The following BBX variants were observed in gnomAD, a reference collection of about 807,000 sequenced individuals.
The protein encoded by BBX is BBX high mobility group box domain containing.
Under a neutral mutation model 100.2 loss-of-function variants are expected in BBX, and 30 were observed. The observed-to-expected ratio is 0.30, with a 90% confidence interval of 0.22 to 0.41. The LOEUF is 0.41. Ranked by LOEUF, BBX falls within the 10% of genes least tolerant of loss-of-function variation. BBX has a pLI of 1.00. For synonymous variants in BBX, 376 were observed against 388.1 expected (o/e 0.97, Z 0.37); for missense variants, 1,023 against 1,129.8 (o/e 0.91, Z 1.35).
chr3:107,733,355 C>T (rs2063436052), intron 7 of BBX, among the ~76,000 whole-genome samples: 1 of 152,160 alleles, frequency 6.6e-6, no homozygotes, highest in South Asian at 2.1e-4. Context: ...GAAACATTCT[C>T]TGCTTGGGTG....
intron 10 of BBX, among the ~76,000 whole-genome samples, chr3:107,756,428 C>A (rs2107677442): frequency 6.6e-6 from 1 of 152,196 alleles, no homozygotes. Flanking sequence ...CCAAAAATCT[C>A]TTACTAAATT....
intron 2 of BBX, among the ~76,000 whole-genome samples, chr3:107,531,139 G>C (rs2048132611): frequency 6.6e-6 from 1 of 152,196 alleles, no homozygotes; most frequent in Non-Finnish European, 1.5e-5. Flanking sequence ...TGGATGTTCT[G>C]AATGTGGGGC....
intron 10 of BBX, among the ~76,000 whole-genome samples, chr3:107,763,555 C>T (rs2066100798): frequency 6.6e-6 from 1 of 152,118 alleles, no homozygotes; most frequent in South Asian, 2.1e-4. Flanking sequence ...CAAACTGAGC[C>T]TAAGGTATGG....
At chr3:107,570,931 C>T (rs2051306921) in intron 2 of BBX, among the ~76,000 whole-genome samples, 1 of 152,012 alleles carries the variant, frequency 6.6e-6, no homozygotes, top group African/African-American at 2.4e-5. Flanking sequence ...GACCCATTTG[C>T]CCATTTTTTC....
Position 107,522,999 on chromosome 3 carries a change from C to G in BBX, c.-264C>G, listed in dbSNP as rs1460073953. On this transcript the variant is annotated 5_prime_UTR_variant, in exon 1 of 18. Transcript: ENST00000325805. Reference sequence around the variant, plus strand: ...GTATGTGGAGCAGTGTACAGTGAAGCGGAGGCAGAGCGGCTCCGCGAGCTT... The same window carrying G: ...GTATGTGGAGCAGTGTACAGTGAAGGGGAGGCAGAGCGGCTCCGCGAGCTT... 6.5e-6 allele frequency: 1 copy of G among 153,058 alleles called. No homozygotes were observed. 9.5% of individuals were successfully genotyped at this position (153,058 alleles called of 1,614,324 possible). A position where few individuals can be genotyped will look rare whatever the true frequency, so the allele number is the denominator to read the frequency against.
At chr3:107,718,801 G>A (rs1427855666) in intron 5 of BBX, among the ~76,000 whole-genome samples, 1 of 152,098 alleles carries the variant, frequency 6.6e-6, no homozygotes, top group Non-Finnish European at 1.5e-5. Context: ...GTAGCCCAGT[G>A]CAGTCTAAGT....
chr3:107,550,166 G>C (rs1393575185), intron 2 of BBX, among the ~76,000 whole-genome samples: 4 of 152,144 alleles, frequency 2.6e-5, no homozygotes, highest in Non-Finnish European at 5.9e-5. Flanking sequence ...CAGGAAGAGA[G>C]AGGAAGAAGT....
At chr3:107,775,649 G>A (rs2067266189) in intron 12 of BBX, among the ~76,000 whole-genome samples, 1 of 151,818 alleles carries the variant, frequency 6.6e-6, no homozygotes, top group African/African-American at 2.4e-5. Context: ...TTTTTCAAAA[G>A]TGTGTTTAAA....
chr3:107,583,853 T>G (rs927404248), intron 2 of BBX, among the ~76,000 whole-genome samples: 3 of 137,164 alleles, frequency 2.2e-5, no homozygotes, highest in Non-Finnish European at 4.6e-5. Context: ...TATTTTGTTA[T>G]TTTAATCTTC....
intron 2 of BBX, among the ~76,000 whole-genome samples, chr3:107,598,301 A>G (rs1043740094): frequency 3.3e-5 from 5 of 152,166 alleles, no homozygotes; most frequent in African/African-American, 7.2e-5. Context: ...GCATCTATGC[A>G]TCTGTTTATA....
At chr3:107,630,755 G>A (rs1194840518) in intron 2 of BBX, among the ~76,000 whole-genome samples, 2 of 152,208 alleles carry the variant, frequency 1.3e-5, no homozygotes, top group Non-Finnish European at 2.9e-5. Flanking sequence ...GGCATGTGCT[G>A]TCGGGATGGG....
intron 3 of BBX, among the ~76,000 whole-genome samples, chr3:107,679,904 G>A (rs1156720331): frequency 2.0e-5 from 3 of 152,120 alleles, no homozygotes; most frequent in African/African-American, 7.2e-5. Flanking sequence ...GTCTCATTGG[G>A]AAAGCCCAGC....
intron 15 of BBX, among the ~76,000 whole-genome samples, chr3:107,791,557 G>C (rs1335013041): frequency 6.6e-6 from 1 of 152,170 alleles, no homozygotes; most frequent in African/African-American, 2.4e-5. Context: ...TCAGAGATTG[G>C]AGTTTTTCAT....
chr3:107,714,303 C>T (rs1184367390), intron 4 of BBX, among the ~76,000 whole-genome samples: 4 of 152,030 alleles, frequency 2.6e-5, no homozygotes, highest in Non-Finnish European at 5.9e-5. Flanking sequence ...GCTCAGGCAA[C>T]CTTTTCCAGG....
At chr3:107,675,980 G>A (rs2059261332) in intron 3 of BBX, among the ~76,000 whole-genome samples, 1 of 152,104 alleles carries the variant, frequency 6.6e-6, no homozygotes, top group African/African-American at 2.4e-5. Flanking sequence ...TTTTCCTAGG[G>A]AAGCCAGTTA....
chr3:107,590,849 T>A (rs535040088), intron 2 of BBX, among the ~76,000 whole-genome samples: 1 of 152,206 alleles, frequency 6.6e-6, no homozygotes, highest in Non-Finnish European at 1.5e-5. Flanking sequence ...AGCACTTGGG[T>A]TGGGGACAGA....
At chr3:107,760,303 C>T (rs2065797642) in intron 10 of BBX, among the ~76,000 whole-genome samples, 1 of 152,208 alleles carries the variant, frequency 6.6e-6, no homozygotes, top group South Asian at 2.1e-4. Context: ...CTTACTCCTA[C>T]ACATGTATGT....
At chr3:107,588,450 A>C (rs868020061) in intron 2 of BBX, among the ~76,000 whole-genome samples, 20 of 152,268 alleles carry the variant, frequency 1.3e-4, no homozygotes, top group African/African-American at 4.6e-4. Flanking sequence ...GCCAGGAGCT[A>C]ACGTGTTGGA....
chr3:107,586,196 T>G (rs1340828699), intron 2 of BBX, among the ~76,000 whole-genome samples: 12 of 152,174 alleles, frequency 7.9e-5, no homozygotes, highest in Admixed American at 7.9e-4. Flanking sequence ...AAAGAGGTTA[T>G]TTATATATTA....
Sources: allele counts gnomAD v4.1 joint callset (sites outside exome capture counted in the v4.1 genomes callset), GRCh38; gene constraint gnomAD v4.1.1; transcripts MANE v1.5; gene names NCBI Gene and HGNC (gene_info 2026-07-23, HGNC 2026-07-21).